Variants in DLGAP1 observed in about 807,000 individuals in gnomAD.
The protein encoded by DLGAP1 is disks large-associated protein 1.
In DLGAP1, 11 loss-of-function variants were observed where a neutral mutation model predicts 90.8. The ratio of observed to expected loss-of-function variants is 0.12; its 90% confidence interval spans 0.08 to 0.20. The LOEUF (loss-of-function observed/expected upper bound fraction) is 0.20, where lower values mean the gene tolerates loss of function less well. DLGAP1 is among the 10% of genes least tolerant of loss of function. DLGAP1 has a pLI of 1.00. For synonymous variants in DLGAP1, 558 were observed against 540.7 expected (o/e 1.03, Z -0.44); for missense variants, 1,050 against 1,333.8 (o/e 0.79, Z 3.31).
At chr18:3,595,185 G>A (rs927277361) in intron 7 of DLGAP1, among the ~76,000 whole-genome samples, 1 of 152,182 alleles carries the variant, frequency 6.6e-6, no homozygotes, top group African/African-American at 2.4e-5. Context: ...TTGAGAGGCG[G>A]GCACCCCTTC....
At chr18:4,026,537 C>T (rs929200613) in intron 2 of DLGAP1, among the ~76,000 whole-genome samples, 7 of 152,044 alleles carry the variant, frequency 4.6e-5, no homozygotes, top group African/African-American at 7.3e-5. Context: ...AAAGAAGAGT[C>T]GAGAGAATAG....
intron 2 of DLGAP1, among the ~76,000 whole-genome samples, chr18:4,120,239 A>G (rs2076130627): frequency 6.6e-6 from 1 of 152,244 alleles, no homozygotes; most frequent in Non-Finnish European, 1.5e-5. Flanking sequence ...TGTTAAAAAA[A>G]GCAGTGAGCT....
At chr18:3,688,806 C>T (rs2060797910) in intron 7 of DLGAP1, among the ~76,000 whole-genome samples, 1 of 152,154 alleles carries the variant, frequency 6.6e-6, no homozygotes, top group African/African-American at 2.4e-5. Flanking sequence ...GCAGGAATGT[C>T]TGATGATGCA....
chr18:4,036,999 C>G (rs543075604), intron 2 of DLGAP1, among the ~76,000 whole-genome samples: 1 of 152,240 alleles, frequency 6.6e-6, no homozygotes, highest in East Asian at 1.9e-4. Flanking sequence ...AATTGTAAAG[C>G]CTATTTCTCT....
At chr18:3,737,236 C>A (rs1176923828) in intron 6 of DLGAP1, among the ~76,000 whole-genome samples, 29 of 152,118 alleles carry the variant, frequency 1.9e-4, no homozygotes, top group South Asian at 2.1e-4. Context: ...ATTCCAATCA[C>A]TAGAAAAAGA....
In DLGAP1 at chr18:3,788,733, G is replaced by A. The variant is rs956883250; in HGVS notation, c.1172+25326C>T. ...TCTAGAGCTACTTTTGCCATATAATGTAGCCATTATAAAGGAGAGCTACAA... is the reference window on the plus strand; with the variant it reads ...TCTAGAGCTACTTTTGCCATATAATATAGCCATTATAAAGGAGAGCTACAA... On this transcript the variant is annotated intron_variant, in intron 5 of 12. Transcript: ENST00000315677. Among the ~76,000 whole-genome samples the A allele has an allele frequency of 1.1e-4, 16 of 152,132 alleles. 1 individual carries two copies. The highest frequency in any genetic ancestry group is 3.9e-4 in the African/African-American group (16 of 41,416).
intron 2 of DLGAP1, among the ~76,000 whole-genome samples, chr18:4,030,692 G>A (rs1194504917): frequency 6.6e-6 from 1 of 152,186 alleles, no homozygotes. Flanking sequence ...AGGCTGAGGC[G>A]GGCAGACTGC....
At chr18:4,373,007 CTG>C (rs2081948881) in intron 1 of DLGAP1, among the ~76,000 whole-genome samples, 1 of 152,072 alleles carries the variant, frequency 6.6e-6, no homozygotes, top group Admixed American at 6.6e-5. Context: ...ATGCACATAA[CTG>C]TGTACAGCTG....
At chr18:3,698,276 G>C (rs1261177512) in intron 7 of DLGAP1, among the ~76,000 whole-genome samples, 2 of 152,186 alleles carry the variant, frequency 1.3e-5, no homozygotes, top group African/African-American at 2.4e-5. Context: ...TTTCTTCATA[G>C]TGTCAATGGT....
chr18:3,539,333 C>G (rs2052557431), intron 9 of DLGAP1, among the ~76,000 whole-genome samples: 6 of 152,196 alleles, frequency 3.9e-5, no homozygotes, highest in Admixed American at 3.9e-4. Context: ...TTTCCCAACC[C>G]ACAGTTTTCA....
intron 7 of DLGAP1, among the ~76,000 whole-genome samples, chr18:3,678,692 T>C (rs2060400525): frequency 6.6e-6 from 1 of 152,214 alleles, no homozygotes; most frequent in South Asian, 2.1e-4. Flanking sequence ...GATAGGTTAT[T>C]ATACCACACA....
At chr18:3,867,611 G>A (rs2070479785) in intron 4 of DLGAP1, among the ~76,000 whole-genome samples, 1 of 152,126 alleles carries the variant, frequency 6.6e-6, no homozygotes, top group Admixed American at 6.5e-5. Context: ...GCCCCACTCT[G>A]GGGGCTCTGT....
At chr18:4,011,262 G>A (rs1012073283) in intron 2 of DLGAP1, among the ~76,000 whole-genome samples, 14 of 151,352 alleles carry the variant, frequency 9.2e-5, no homozygotes, top group Admixed American at 5.9e-4. Context: ...TGGTGACCCC[G>A]CTTTTATAAG....
At chr18:4,300,035 A>G (rs2080085999) in intron 1 of DLGAP1, among the ~76,000 whole-genome samples, 1 of 152,180 alleles carries the variant, frequency 6.6e-6, no homozygotes, top group East Asian at 1.9e-4. Context: ...AACAAATTTT[A>G]TTTCTCATTT....
chr18:3,843,302 C>T lies in DLGAP1; in HGVS notation c.958-29029G>A, dbSNP rs74604048. On this transcript the variant is annotated intron_variant, in intron 4 of 12. Transcript: ENST00000315677. ...CCCAGCATGCATGGGTTGACCACTA[C>T]AGACAAAAGATCATGAAGCTGATGC... 3.3e-5 allele frequency among the ~76,000 whole-genome samples: 5 copies of T among 152,332 alleles called. No individual in the cohort carries two copies. The East Asian group carries it at 9.6e-4, about 29-fold the overall frequency.
intron 1 of DLGAP1, among the ~76,000 whole-genome samples, chr18:4,300,084 G>T (rs1324728695): frequency 2.0e-5 from 3 of 152,094 alleles, no homozygotes; most frequent in Admixed American, 2.0e-4. Flanking sequence ...TTTGCAAATA[G>T]TGTGTCCTTT....
intron 2 of DLGAP1, among the ~76,000 whole-genome samples, chr18:4,049,086 G>C (rs1179096626): frequency 3.9e-5 from 6 of 151,966 alleles, no homozygotes; most frequent in African/African-American, 2.4e-5. Flanking sequence ...AATTAGCTGG[G>C]TGTGGTGGCA....
chr18:4,452,414 C>T (rs1190393533), intron 1 of DLGAP1, among the ~76,000 whole-genome samples: 1 of 152,008 alleles, frequency 6.6e-6, no homozygotes. Context: ...GAATATTGCT[C>T]ATATTCACTA....
chr18:3,721,351 C>T (rs1354181404), intron 7 of DLGAP1, among the ~76,000 whole-genome samples: 1 of 152,158 alleles, frequency 6.6e-6, no homozygotes, highest in Non-Finnish European at 1.5e-5. Flanking sequence ...ATTATTTTCT[C>T]CATTTAGTGC....
Sources: allele counts gnomAD v4.1 joint callset (sites outside exome capture counted in the v4.1 genomes callset), GRCh38; gene constraint gnomAD v4.1.1; transcripts MANE v1.5; gene names NCBI Gene and HGNC (gene_info 2026-07-23, HGNC 2026-07-21).